FOXO3: variants seen among roughly 807,000 people sequenced by gnomAD.
FOXO3 encodes forkhead box O3.
Under a neutral mutation model 41.9 loss-of-function variants are expected in FOXO3, and 4 were observed. The ratio of observed to expected loss-of-function variants is 0.10; its 90% CI spans 0.05 to 0.22. The LOEUF is 0.22. Among genes scored for constraint, FOXO3 ranks in the 10% least tolerant of loss-of-function variants. The pLI is 1.00. For missense variants in FOXO3, 534 were observed against 906.8 expected (o/e 0.59, Z 5.28); for synonymous variants, 318 against 389.3 (o/e 0.82, Z 2.16).
At chr6:108,639,318 C>T (rs1253853446) in intron 1 of FOXO3, among the ~76,000 whole-genome samples, 2 of 152,166 alleles carry the variant, frequency 1.3e-5, no homozygotes, top group Admixed American at 1.3e-4. Context: ...CCACTAGCTG[C>T]CACACTGTCC....
intron 1 of FOXO3, among the ~76,000 whole-genome samples, chr6:108,578,296 C>CT (rs1776317859): frequency 6.6e-6 from 1 of 152,306 alleles, no homozygotes; most frequent in African/African-American, 2.4e-5. Context: ...CAGAACCACT[C>CT]TTTTAAAGTC....
chr6:108,668,641 A>G (rs561209223), intron 2 of FOXO3, among the ~76,000 whole-genome samples: 3 of 152,330 alleles, frequency 2.0e-5, no homozygotes, highest in African/African-American at 7.2e-5. Flanking sequence ...ATTAGGGAGC[A>G]GCCCAATATT....
chr6:108,618,043 T>G, intron 1 of FOXO3: 1 of 687,164 alleles, frequency 1.5e-6, no homozygotes, highest in East Asian at 2.8e-5. Flanking sequence ...GTCAATCGTA[T>G]CTTCATTCTC....
At chr6:108,589,731 T>C (rs1192934123) in intron 1 of FOXO3, among the ~76,000 whole-genome samples, 3 of 152,224 alleles carry the variant, frequency 2.0e-5, no homozygotes, top group African/African-American at 7.2e-5. Flanking sequence ...ACCAATGCCT[T>C]CTTCAGATCC....
intron 2 of FOXO3, among the ~76,000 whole-genome samples, chr6:108,678,541 C>G (rs889743459): frequency 1.3e-5 from 2 of 150,186 alleles, no homozygotes; most frequent in African/African-American, 2.4e-5. Flanking sequence ...CCAGTGGTCA[C>G]ATGACATCTG....
chr6:108,562,460 C>A (rs186082936), intron 1 of FOXO3, among the ~76,000 whole-genome samples: 2 of 152,054 alleles, frequency 1.3e-5, no homozygotes, highest in Non-Finnish European at 2.9e-5. Context: ...TCGGAGATGT[C>A]GCTCCAGTAA....
At chr6:108,655,764 C>T (rs1054853278) in intron 1 of FOXO3, among the ~76,000 whole-genome samples, 4 of 152,206 alleles carry the variant, frequency 2.6e-5, no homozygotes, top group Admixed American at 2.6e-4. Flanking sequence ...TTGCAGTGCT[C>T]TCCTGTGGCA....
At chr6:108,601,142 G>A (rs113891574) in intron 1 of FOXO3, among the ~76,000 whole-genome samples, 2 of 152,062 alleles carry the variant, frequency 1.3e-5, no homozygotes, top group Non-Finnish European at 2.9e-5. Context: ...CCAGTAGGTG[G>A]GACTACAGGC....
At chr6:108,600,161 A>C (rs1039199174) in intron 1 of FOXO3, among the ~76,000 whole-genome samples, 1 of 152,140 alleles carries the variant, frequency 6.6e-6, no homozygotes, top group African/African-American at 2.4e-5. Context: ...TACTGACATA[A>C]CCTGGTTTGT....
At chr6:108,648,132 CGAA>C (rs1419076987) in intron 1 of FOXO3, among the ~76,000 whole-genome samples, 2 of 152,100 alleles carry the variant, frequency 1.3e-5, no homozygotes, top group East Asian at 3.9e-4. Flanking sequence ...ATAGACAAGT[CGAA>C]GAACTGAGGA....
At chr6:108,613,591 A>T (rs565094077) in intron 1 of FOXO3, among the ~76,000 whole-genome samples, 1 of 152,146 alleles carries the variant, frequency 6.6e-6, no homozygotes, top group South Asian at 2.1e-4. Context: ...TTCATTCCTG[A>T]TGTTGATAAT....
chr6:108,656,801 A>G (rs942611590), intron 1 of FOXO3, among the ~76,000 whole-genome samples: 4 of 152,236 alleles, frequency 2.6e-5, no homozygotes, highest in Non-Finnish European at 5.9e-5. Context: ...GTGTCTTCAC[A>G]ACCAGTTAGC....
intron 1 of FOXO3, among the ~76,000 whole-genome samples, chr6:108,659,973 C>G (rs1367082578): frequency 6.6e-6 from 1 of 152,140 alleles, no homozygotes; most frequent in Non-Finnish European, 1.5e-5. Context: ...ATATTGTTCC[C>G]TAAATGCTTT....
rs896211364 is a variant in FOXO3, at chr6:108,561,066, C to T, written c.-143C>T. On this transcript the variant is annotated 5_prime_UTR_variant, in exon 1 of 3. Transcript: ENST00000406360. ...CCGGGATAACCAACTCTCCTTCTCT[C>T]TTCTTTGGTGCTTCCCCAGGCGGCG... The T allele has an allele frequency of 8.4e-6, 12 of 1,424,464 alleles. No individual in the cohort carries two copies. The highest frequency in any genetic ancestry group is 1.0e-5 in the Non-Finnish European group (11 of 1,100,012). 88.2% of individuals were successfully genotyped at this position (1,424,464 alleles called of 1,614,324 possible).
At chr6:108,649,270 A>G (rs1778481177) in intron 1 of FOXO3, among the ~76,000 whole-genome samples, 1 of 152,138 alleles carries the variant, frequency 6.6e-6, no homozygotes, top group Admixed American at 6.6e-5. Context: ...CATTTGTAAT[A>G]GGCAGTAAGT....
intron 1 of FOXO3, among the ~76,000 whole-genome samples, chr6:108,570,120 C>T (rs373467585): frequency 1.3e-5 from 2 of 149,716 alleles, no homozygotes; most frequent in African/African-American, 4.9e-5. Flanking sequence ...CTGCCTCAGC[C>T]TCCCAAGTAG....
intron 1 of FOXO3, among the ~76,000 whole-genome samples, chr6:108,655,925 A>G (rs187651424): frequency 3.3e-5 from 5 of 152,214 alleles, no homozygotes; most frequent in African/African-American, 1.2e-4. Context: ...AAGCAGTGAG[A>G]CCCACTTGAA....
At chr6:108,630,076 G>A (rs1400205189) in intron 1 of FOXO3, among the ~76,000 whole-genome samples, 1 of 152,180 alleles carries the variant, frequency 6.6e-6, no homozygotes, top group South Asian at 2.1e-4. Flanking sequence ...CCTGAGAGAA[G>A]ATAGTTTCCT....
intron 1 of FOXO3, among the ~76,000 whole-genome samples, chr6:108,574,781 G>T (rs1449001572): frequency 6.6e-6 from 1 of 152,192 alleles, no homozygotes; most frequent in Non-Finnish European, 1.5e-5. Context: ...AGTGCCGTAA[G>T]ATAAAATGTA....
Sources: gnomAD v4.1 joint callset for allele counts (sites outside exome capture counted in the v4.1 genomes callset) on GRCh38, gnomAD v4.1.1 for gene constraint, MANE v1.5 for transcripts, NCBI Gene and HGNC (gene_info 2026-07-23, HGNC 2026-07-21) for gene names.